The following RBBP6 variants were observed in gnomAD, a reference collection of about 807,000 sequenced individuals.
The protein encoded by RBBP6 is E3 ubiquitin-protein ligase RBBP6.
In RBBP6, 25 loss-of-function variants were observed where a neutral mutation model predicts 167.7. That is an observed-to-expected ratio of 0.15 (90% confidence interval 0.11 to 0.21). The LOEUF (loss-of-function observed/expected upper bound fraction) is 0.21, where lower values mean the gene tolerates loss of function less well. Ranked by LOEUF, RBBP6 falls within the 10% of genes least tolerant of loss-of-function variation. The probability of loss-of-function intolerance (pLI) is 1.00; values close to 1 mark genes in which losing one functional copy is unlikely to be tolerated. For missense variants in RBBP6, 1,868 were observed against 2,134.2 expected, an observed-to-expected ratio of 0.88 and a Z score of 2.46; for synonymous variants, 789 against 735.8, an observed-to-expected ratio of 1.07 and a Z score of -1.17.
At position 24,572,415 on chromosome 16, in the gene RBBP6, T is replaced by C. The variant is rs187657987; in HGVS notation, c.5349T>C (p.Asp1783=). 1 of 1,527,906 alleles carries C rather than the reference T, an allele frequency of 6.5e-7. No homozygotes were observed. The highest frequency in any genetic ancestry group is 2.5e-5 in the East Asian group (1 of 40,748). 94.6% of individuals were successfully genotyped at this position (1,527,906 alleles called of 1,614,324 possible). ...ATAAAGAGAAGGAGAAGGAGAAAGA[T>C]GACCAAAAAGTGAAATCTGTCACTG... The part of the protein sequence containing the change: ...NKDKEKEKEK[D]DQKVKSVTV The change falls in exon 18 of 18, where the codon GAT becomes GAC. Residue 1783 remains aspartate (D), a synonymous_variant. Transcript: ENST00000319715.
chr16:24,553,973 C>G (rs139697355), intron 4 of RBBP6: 2 of 154,840 alleles, frequency 1.3e-5, no homozygotes, highest in African/African-American at 4.8e-5. Context: ...TTGACTTGAT[C>G]CCATGAAGGT....
intron 7 of RBBP6, chr16:24,558,422 G>GGGA: frequency 1.1e-6 from 1 of 935,474 alleles, no homozygotes; most frequent in African/African-American, 1.8e-5. Flanking sequence ...TTTGGGCAGT[G>GGGA]GGAGACTCCT....
chr16:24,564,422 A>T (rs533070037), intron 13 of RBBP6, among the ~76,000 whole-genome samples: 4 of 152,262 alleles, frequency 2.6e-5, no homozygotes, highest in African/African-American at 9.6e-5. Flanking sequence ...CCTCGTTTGG[A>T]TTTGGAATGA....
At chr16:24,542,187 TGA>T (rs1053817750) in intron 1 of RBBP6, among the ~76,000 whole-genome samples, 1 of 152,198 alleles carries the variant, frequency 6.6e-6, no homozygotes, top group African/African-American at 2.4e-5. Flanking sequence ...CATGAACAGT[TGA>T]GAAATAGCTT....
rs1899218716 is a variant in RBBP6, at chr16:24,567,295, C to A, written c.1742C>A (p.Pro581Gln). The A allele has an allele frequency of 1.9e-6, 3 of 1,613,988 alleles. No homozygotes were observed. Among genetic ancestry groups the A allele is most frequent in the Non-Finnish European group, 2.5e-6 (3 of 1,179,998 alleles). ...CCTCTCCCTCCGGGTGTTCCTCCTC[C>A]ACAGTTTTCTCCTCAGTTTCCTCCT... ...TLPLPPGVPP[P>Q]QFSPQFPPGQ... Residue 581 changes from proline (P) to glutamine (Q), a missense_variant, in exon 15 of 18, where the codon CCA (proline) becomes CAA (glutamine). Pro to Gln is a moderately conservative substitution (Grantham distance 76). Coordinates refer to ENST00000319715, the MANE Select transcript of RBBP6 (RefSeq NM_006910.5).
intron 13 of RBBP6, among the ~76,000 whole-genome samples, 183 bp from the exon 14 acceptor site, chr16:24,564,613 GA>G (rs1382283417): frequency 6.6e-6 from 1 of 152,148 alleles, no homozygotes; most frequent in East Asian, 1.9e-4. Context: ...ATTGGTGGGG[GA>G]AAGTTAGTTT....
chr16:24,570,621 A>ATGTAGTCT, intron 17 of RBBP6, 122 bp downstream of exon 17: 3 of 973,910 alleles, frequency 3.1e-6, no homozygotes, highest in Non-Finnish European at 4.3e-6. Flanking sequence ...GGCTGGTTTT[A>ATGTAGTCT]TGTAGTCTTT....
At position 24,546,172 on chromosome 16, in the gene RBBP6, A is replaced by G; in HGVS notation, c.176A>G (p.Asp59Gly). Residue 59 changes from aspartate to glycine, a missense_variant, in exon 2 of 18, where the codon GAT becomes GGT. Around this residue, in one of 7 missense-constraint regions of RBBP6, gnomAD observed 184 missense variants for 327.7 expected, o/e 0.56. Coordinates refer to ENST00000319715, the MANE Select transcript of RBBP6 (RefSeq NM_006910.5). ...TNAQTKEEYT[D>G]DNALIPKNSS... ...GTCTTTTTATTTACAGAATATACTGATGATAATGCTCTGATTCCTAAGAAT... is the reference window on the plus strand; with the variant it reads ...GTCTTTTTATTTACAGAATATACTGGTGATAATGCTCTGATTCCTAAGAAT... 6.3e-7 allele frequency: 1 copy of G among 1,583,306 alleles called. No individual in the cohort carries two copies.
chr16:24,567,288 C>A lies in RBBP6; in HGVS notation c.1735C>A (p.Pro579Thr), dbSNP rs774746983. ...PHTLPLPPGV[P>T]PPQFSPQFPP... ...TACACTTCCTCTCCCTCCGGGTGTT[C>A]CTCCTCCACAGTTTTCTCCTCAGTT... The change falls in exon 15 of 18, where the codon CCT (proline) becomes ACT (threonine). Residue 579 changes from proline (P) to threonine (T), a missense_variant. This residue lies in a region of RBBP6 where 145 missense variants were observed against 224.3 expected (regional missense o/e 0.65). Coordinates refer to ENST00000319715, the MANE Select transcript of RBBP6 (RefSeq NM_006910.5). 9.3e-6 allele frequency: 15 copies of A among 1,613,988 alleles called. No individual in the cohort carries two copies. The highest frequency in any genetic ancestry group is 6.6e-5 in the South Asian group (6 of 91,078).
At chr16:24,561,785 C>A in intron 9 of RBBP6, 39 bp from the exon 10 acceptor site, 1 of 1,604,364 alleles carries the variant, frequency 6.2e-7, no homozygotes, top group Non-Finnish European at 8.5e-7. Flanking sequence ...GTGAATACTG[C>A]ATAACATTTT....
Position 24,548,922 on chromosome 16 carries a change from TTTG to T in RBBP6, c.267-20_267-18del. 1 of 1,582,388 alleles carries T rather than the reference TTTG, an allele frequency of 6.3e-7. No individual in the cohort carries two copies. The highest frequency in any genetic ancestry group is 8.6e-7 in the Non-Finnish European group (1 of 1,158,804). The stretch of plus-strand genomic sequence containing the variant: ...AATTCATAAATAGCTAATGTTAATT[TTTG>T]TTTTTATTTTGTGTTTTAGAAGTCG... On this transcript the variant is annotated intron_variant, in intron 2 of 17. Transcript: ENST00000319715.
chr16:24,565,774 A>G (rs1429969492), intron 14 of RBBP6, among the ~76,000 whole-genome samples: 1 of 152,180 alleles, frequency 6.6e-6, no homozygotes, highest in Non-Finnish European at 1.5e-5. Context: ...AAACTTCATA[A>G]CAAGAGTTTT....
chr16:24,546,075 C>A (rs1437291065), intron 1 of RBBP6, 88 bp from the exon 2 acceptor site: 14 of 1,453,166 alleles, frequency 9.6e-6, no homozygotes, highest in Non-Finnish European at 1.3e-5. Flanking sequence ...AAGTCATTTC[C>A]CATGAAATTT....
intron 3 of RBBP6, among the ~76,000 whole-genome samples, chr16:24,550,858 T>TA (rs2086312335): frequency 6.6e-6 from 1 of 151,876 alleles, no homozygotes; most frequent in Admixed American, 6.6e-5. Context: ...TGCTGGCATT[T>TA]AAGATGAGAA....
intron 4 of RBBP6, 64 bp from the exon 5 acceptor site, chr16:24,555,551 T>A (rs1898893241): frequency 8.0e-7 from 1 of 1,252,082 alleles, no homozygotes; most frequent in African/African-American, 1.5e-5. Flanking sequence ...AGTGGTGTTG[T>A]CTTTGGCTGT....
Position 24,569,473 on chromosome 16 carries a change from G to A in RBBP6, c.2783G>A (p.Gly928Asp), listed in dbSNP as rs752554164. Residue 928 changes from glycine to aspartate, a missense_variant, in exon 17 of 18, where the codon GGT becomes GAT. Transcript: ENST00000319715. Reference sequence around the variant, plus strand: ...GAGAGTGAAAACGCTCCAGGAGATGGTAAAGGAAATAAGCATAAGAAACAC... The same window carrying A: ...GAGAGTGAAAACGCTCCAGGAGATGATAAAGGAAATAAGCATAAGAAACAC... ...EKESENAPGDGKGNKHKKHRK... is the reference protein window; with the variant it reads ...EKESENAPGDDKGNKHKKHRK... 6.2e-7 allele frequency: 1 copy of A among 1,611,274 alleles called. No homozygotes were observed. The highest frequency in any genetic ancestry group is 1.3e-5 in the African/African-American group (1 of 74,534).
rs901350699 is a variant in RBBP6, at chr16:24,540,526, G to C, written c.-101G>C. On this transcript the variant is annotated 5_prime_UTR_variant, in exon 1 of 18. Transcript: ENST00000319715. ...GGCCTTAGGGTCCTTCGGTGTCTTTGAGTGTTTTGTGTGTACATATTTTGC... is the reference window on the plus strand; with the variant it reads ...GGCCTTAGGGTCCTTCGGTGTCTTTCAGTGTTTTGTGTGTACATATTTTGC... The C allele has an allele frequency of 3.2e-5, 39 of 1,236,744 alleles. 1 individual carries two copies. The highest frequency in any genetic ancestry group is 4.3e-5 in the Non-Finnish European group (38 of 888,694). The allele number at this position is 1,236,744 out of a possible 1,614,324, so 76.6% of individuals were successfully genotyped here.
At chr16:24,546,055 A>T in intron 1 of RBBP6, 108 bp from the exon 2 acceptor site, 1 of 1,420,396 alleles carries the variant, frequency 7.0e-7, no homozygotes, top group Non-Finnish European at 9.2e-7. Flanking sequence ...ACTTGTAGTT[A>T]TTATATTTAA....
At chr16:24,561,218 G>GCTC (rs1447184703) in intron 8 of RBBP6, among the ~76,000 whole-genome samples, 1 of 151,524 alleles carries the variant, frequency 6.6e-6, no homozygotes, top group Non-Finnish European at 1.5e-5. Flanking sequence ...TAGTCTTTGA[G>GCTC]AAAGAGTGCT....
Sources: allele counts gnomAD v4.1 joint callset (sites outside exome capture counted in the v4.1 genomes callset), GRCh38; gene constraint gnomAD v4.1.1; regional missense constraint gnomAD v4.1.1; transcripts MANE v1.5; gene names NCBI Gene and HGNC (gene_info 2026-07-23, HGNC 2026-07-21).